EPHA6: variants seen among roughly 807,000 people sequenced by gnomAD.
EPHA6 encodes EPH receptor A6.
In EPHA6, 50 loss-of-function variants were observed where a neutral mutation model predicts 112.0. The observed-to-expected ratio is 0.45, with a 90% CI of 0.36 to 0.56. EPHA6 has a LOEUF of 0.56. Ranked by LOEUF, EPHA6 falls within the 20% of genes least tolerant of loss-of-function variation. The pLI, the probability that EPHA6 is intolerant of heterozygous loss-of-function variation, is 0.00. For synonymous variants in EPHA6, 529 were observed against 490.7 expected, an observed-to-expected ratio of 1.08 and a Z score of -1.03; for missense variants, 1,280 against 1,417.4, an observed-to-expected ratio of 0.90 and a Z score of 1.56.
At chr3:97,258,300 C>T (rs1420019346) in intron 5 of EPHA6, among the ~76,000 whole-genome samples, 3 of 151,968 alleles carry the variant, frequency 2.0e-5, no homozygotes, top group African/African-American at 7.2e-5. Flanking sequence ...CAGACACACA[C>T]ACGCACAGAG....
In EPHA6 at chr3:97,402,952, A is replaced by C. The variant is rs189726899; in HGVS notation, c.1607-2198A>C. ...TTCTTAGAAATTGAAATATGACAGAATCAATTTTTCAAATCTAATTCTCAC... is the reference window on the plus strand; with the variant it reads ...TTCTTAGAAATTGAAATATGACAGACTCAATTTTTCAAATCTAATTCTCAC... On this transcript the variant is annotated intron_variant, in intron 5 of 17. Transcript: ENST00000389672. Among the ~76,000 whole-genome samples the C allele has an allele frequency of 1.1e-3, 168 of 152,278 alleles. 1 individual carries two copies. Among genetic ancestry groups the C allele is most frequent in the South Asian group, 4.8e-3 (23 of 4,824 alleles).
chr3:97,228,350 A>G (rs1350992906), intron 4 of EPHA6, among the ~76,000 whole-genome samples: 1 of 151,888 alleles, frequency 6.6e-6, no homozygotes, highest in Non-Finnish European at 1.5e-5. Flanking sequence ...CCCAAATTCC[A>G]TTATATCATT....
At chr3:97,678,394 A>G (rs2031581696) in intron 14 of EPHA6, among the ~76,000 whole-genome samples, 1 of 152,136 alleles carries the variant, frequency 6.6e-6, no homozygotes, top group African/African-American at 2.4e-5. Flanking sequence ...GAAGGCTCTC[A>G]GTTTTGAAGA....
intron 10 of EPHA6, among the ~76,000 whole-genome samples, chr3:97,489,610 C>T (rs528236614): frequency 2.0e-5 from 3 of 150,864 alleles, no homozygotes; most frequent in Admixed American, 1.3e-4. Context: ...GGCATGAACC[C>T]GGGAGGCAGA....
chr3:97,138,418 A>G (rs1353508103), intron 3 of EPHA6, among the ~76,000 whole-genome samples: 1 of 152,184 alleles, frequency 6.6e-6, no homozygotes, highest in African/African-American at 2.4e-5. Flanking sequence ...CTACTCCCAT[A>G]GTTGTAGAAC....
At chr3:97,370,166 T>C (rs1577125429) in intron 5 of EPHA6, among the ~76,000 whole-genome samples, 1 of 152,160 alleles carries the variant, frequency 6.6e-6, no homozygotes, top group African/African-American at 2.4e-5. Context: ...GATAACTGAA[T>C]GGTTCACAAA....
chr3:96,898,700 G>A (rs929604232), intron 2 of EPHA6, among the ~76,000 whole-genome samples: 1 of 152,090 alleles, frequency 6.6e-6, no homozygotes, highest in Non-Finnish European at 1.5e-5. Context: ...TCCTAGGGCT[G>A]TCGTGACAAA....
At chr3:97,668,943 A>AAAAAAT (rs2030473782) in intron 14 of EPHA6, among the ~76,000 whole-genome samples, 1 of 149,710 alleles carries the variant, frequency 6.7e-6, no homozygotes, top group Non-Finnish European at 1.5e-5. Flanking sequence ...AAAAAAAAAA[A>AAAAAAT]ATCCACTAAG....
chr3:96,830,498 G>C (rs932650207), intron 1 of EPHA6, among the ~76,000 whole-genome samples: 1 of 151,930 alleles, frequency 6.6e-6, no homozygotes, highest in Admixed American at 6.6e-5. Context: ...TTATATGGAC[G>C]TTAAGTTACT....
chr3:97,578,158 T>C (rs1203784314), intron 11 of EPHA6, among the ~76,000 whole-genome samples: 1 of 152,066 alleles, frequency 6.6e-6, no homozygotes, highest in African/African-American at 2.4e-5. Flanking sequence ...TCAGATTCTG[T>C]TGTAAGTGAC....
At chr3:97,336,921 T>A (rs950622533) in intron 5 of EPHA6, among the ~76,000 whole-genome samples, 2 of 151,588 alleles carry the variant, frequency 1.3e-5, no homozygotes, top group Non-Finnish European at 2.9e-5. Context: ...CCTCCCAGAT[T>A]ATCTGGGATG....
chr3:96,891,280 A>G (rs1394886217), intron 2 of EPHA6, among the ~76,000 whole-genome samples: 1 of 152,246 alleles, frequency 6.6e-6, no homozygotes, highest in Non-Finnish European at 1.5e-5. Context: ...CTGTTTTTAT[A>G]CAGCACTATA....
chr3:96,972,788 T>C lies in EPHA6; in HGVS notation c.451-14542T>C, dbSNP rs556413881. Among the ~76,000 whole-genome samples, 9 of 152,320 alleles carry C rather than the reference T, an allele frequency of 5.9e-5. No individual in the cohort carries two copies. In the South Asian group the frequency reaches 1.9e-3, roughly 32 times the overall value. ...TTTGAAAATATAATTAGCTTTCCAA[T>C]AGTCCGTTCTGTGCTAAGAAACAAA... On this transcript the variant is annotated intron_variant, in intron 2 of 17. Transcript: ENST00000389672.
Position 97,595,406 on chromosome 3 carries a change from G to A in EPHA6, c.2512+2669G>A, listed in dbSNP as rs1227056137. Among the ~76,000 whole-genome samples, 8 of 152,276 alleles carry A rather than the reference G, an allele frequency of 5.3e-5. No individual in the cohort carries two copies. In the East Asian group the frequency reaches 1.5e-3, roughly 29 times the overall value. On this transcript the variant is annotated intron_variant, in intron 12 of 17. Transcript: ENST00000389672. ...GGCCTGTAATCCCAGCACTTTGGGAGGCCAAGGCAGGTAGATCACCTGAGG... is the reference window on the plus strand; with the variant it reads ...GGCCTGTAATCCCAGCACTTTGGGAAGCCAAGGCAGGTAGATCACCTGAGG...
chr3:97,259,123 A>T (rs370692465), intron 5 of EPHA6, among the ~76,000 whole-genome samples: 1 of 152,170 alleles, frequency 6.6e-6, no homozygotes, highest in South Asian at 2.1e-4. Context: ...GTTTCCTCTC[A>T]TATTAAAGTT....
chr3:96,983,886 C>T (rs554704734), intron 2 of EPHA6, among the ~76,000 whole-genome samples: 3 of 152,264 alleles, frequency 2.0e-5, no homozygotes, highest in Admixed American at 6.5e-5. Flanking sequence ...GTTCTCATGC[C>T]ATGGTTTTCC....
intron 2 of EPHA6, among the ~76,000 whole-genome samples, chr3:96,888,585 C>G (rs1442221017): frequency 6.6e-6 from 1 of 152,152 alleles, no homozygotes; most frequent in Non-Finnish European, 1.5e-5. Context: ...AGCCTGAGCT[C>G]TATGTTGAAC....
chr3:97,580,152 G>T (rs780404774), intron 11 of EPHA6, among the ~76,000 whole-genome samples: 4 of 152,156 alleles, frequency 2.6e-5, no homozygotes, highest in Admixed American at 1.3e-4. Flanking sequence ...GTGGCTGGGT[G>T]CCCAAAGAGT....
rs557648629 is a variant in EPHA6 at position 97,520,700 on chromosome 3, T to A, written c.2201-11658T>A. 2.0e-5 allele frequency among the ~76,000 whole-genome samples: 3 copies of A among 152,338 alleles called. No homozygotes were observed. In the South Asian group the frequency reaches 6.2e-4, roughly 32 times the overall value. ...TGTGCCGTGGAGAAGACCCTTTTCA[T>A]TACATCTGTTTGGGGATCTCTAAGC... On this transcript the variant is annotated intron_variant, in intron 10 of 17. Coordinates refer to ENST00000389672, the MANE Select transcript of EPHA6 (RefSeq NM_001080448.3).
Sources: gnomAD v4.1 joint callset for allele counts (sites outside exome capture counted in the v4.1 genomes callset) on GRCh38, gnomAD v4.1.1 for gene constraint, MANE v1.5 for transcripts, NCBI Gene and HGNC (gene_info 2026-07-23, HGNC 2026-07-21) for gene names.